The following EEIG1 variants were observed in gnomAD, a reference collection of about 807,000 sequenced individuals.
EEIG1 encodes the protein early estrogen-induced gene 1 protein.
At chr9:127,957,205 G>C in the EEIG1 span, among the ~76,000 whole-genome samples, 1 of 150,512 alleles carries the variant, frequency 6.6e-6, no homozygotes, top group African/African-American at 2.5e-5. Flanking sequence ...CTCCAGCCTG[G>C]GCAACAGAGT....
chr9:127,976,191 G>A, the EEIG1 span, among the ~76,000 whole-genome samples: 2 of 152,208 alleles, frequency 1.3e-5, no homozygotes, highest in African/African-American at 2.4e-5. The surrounding 1 kb of genome is among the most constrained non-coding windows in gnomAD (Gnocchi z 4.1). Context: ...CTGCCATCAA[G>A]GCAAGACAGG....
At chr9:127,944,317 C>T in the EEIG1 span, 4 of 525,024 alleles carry the variant, frequency 7.6e-6, no homozygotes, top group Admixed American at 7.1e-5. Context: ...TAAATAAATG[C>T]GTGTGAGGCC....
At chr9:127,951,110 G>A in the EEIG1 span, among the ~76,000 whole-genome samples, 1 of 152,204 alleles carries the variant, frequency 6.6e-6, no homozygotes, top group Non-Finnish European at 1.5e-5. Context: ...GGGATGGGGA[G>A]GGAAGTGGGA....
the EEIG1 span, among the ~76,000 whole-genome samples, chr9:127,946,439 C>G: frequency 6.6e-6 from 1 of 150,922 alleles, no homozygotes; most frequent in African/African-American, 2.4e-5. Flanking sequence ...CCCAACACAC[C>G]CCAGGCTGGC....
chr9:127,977,520 C>T, the EEIG1 span, among the ~76,000 whole-genome samples: 1 of 152,356 alleles, frequency 6.6e-6, no homozygotes, highest in East Asian at 1.9e-4. Flanking sequence ...CCAGCTCACA[C>T]ACAGGCCCCC....
At chr9:127,956,780 T>C in the EEIG1 span, among the ~76,000 whole-genome samples, 1 of 151,884 alleles carries the variant, frequency 6.6e-6, no homozygotes, top group African/African-American at 2.4e-5. Context: ...AGTGGCACGA[T>C]CTCGGCTCAC....
the EEIG1 span, among the ~76,000 whole-genome samples, chr9:127,979,252 T>C: frequency 6.6e-6 from 1 of 152,300 alleles, no homozygotes; most frequent in Non-Finnish European, 1.5e-5. Context: ...CACTCCCATC[T>C]GTAGAAGTCC....
chr9:127,970,939 G>A, the EEIG1 span, among the ~76,000 whole-genome samples: 3 of 152,218 alleles, frequency 2.0e-5, no homozygotes, highest in Non-Finnish European at 4.4e-5. Context: ...TCCCCTCACT[G>A]GAGGGCCCTG....
At chr9:127,966,443 G>GA in the EEIG1 span, among the ~76,000 whole-genome samples, 2,983 of 110,976 alleles carry the variant, frequency 0.027, 102 homozygotes, top group East Asian at 0.21. Context: ...CCCCATCTCC[G>GA]AAAAAAAAAA....
chr9:127,951,399 A>G, the EEIG1 span, among the ~76,000 whole-genome samples: 1 of 152,216 alleles, frequency 6.6e-6, no homozygotes, highest in Non-Finnish European at 1.5e-5. Context: ...ATGAGTGTCA[A>G]GTAACTGCTG....
chr9:127,977,208 C>T, the EEIG1 span, among the ~76,000 whole-genome samples: 7 of 152,228 alleles, frequency 4.6e-5, no homozygotes, highest in Admixed American at 4.6e-4. Flanking sequence ...TCAGTTCCTC[C>T]CTCCTCAGCC....
At chr9:127,947,298 T>A in the EEIG1 span, among the ~76,000 whole-genome samples, 1 of 146,236 alleles carries the variant, frequency 6.8e-6, no homozygotes, top group African/African-American at 2.5e-5. Context: ...TATCTGGGCA[T>A]GGTGGCGCTC....
chr9:127,941,497 C>T, the EEIG1 span: 2 of 152,594 alleles, frequency 1.3e-5, no homozygotes, highest in Non-Finnish European at 2.9e-5. Context: ...GCAGAGCCTT[C>T]TCCAGCGCGA....
the EEIG1 span, among the ~76,000 whole-genome samples, chr9:127,960,529 A>G: frequency 6.6e-6 from 1 of 152,242 alleles, no homozygotes; most frequent in East Asian, 1.9e-4. Context: ...GAGGAGGCCC[A>G]AGCTTGAAAG....
the EEIG1 span, among the ~76,000 whole-genome samples, chr9:127,974,374 C>T: frequency 6.6e-6 from 1 of 152,204 alleles, no homozygotes; most frequent in Non-Finnish European, 1.5e-5. Context: ...TTACTCCATC[C>T]CCTCCTCCAC....
the EEIG1 span, chr9:127,950,828 T>C: frequency 1.8e-6 from 1 of 556,146 alleles, no homozygotes. Flanking sequence ...TGAAAGGACA[T>C]TGTTGTCCGT....
At chr9:127,944,942 T>TA in the EEIG1 span, 1 of 1,594,262 alleles carries the variant, frequency 6.3e-7, no homozygotes, top group South Asian at 1.1e-5. Flanking sequence ...GTCAGGGCAG[T>TA]AACAGGTACA....
At chr9:127,966,952 C>T in the EEIG1 span, among the ~76,000 whole-genome samples, 1 of 152,194 alleles carries the variant, frequency 6.6e-6, no homozygotes, top group African/African-American at 2.4e-5. Flanking sequence ...GGGAAATCTG[C>T]CAAGGCAGTA....
At chr9:127,948,623 T>G in the EEIG1 span, among the ~76,000 whole-genome samples, 1 of 152,212 alleles carries the variant, frequency 6.6e-6, no homozygotes, top group Non-Finnish European at 1.5e-5. Context: ...AACCAAGGCC[T>G]GCCTGGCAGA....
Sources: gnomAD v4.1 joint callset for allele counts (sites outside exome capture counted in the v4.1 genomes callset) on GRCh38, gnomAD v4.1.1 for gene constraint, Gnocchi (gnomAD v3.1) non-coding constraint, MANE v1.5 for transcripts, NCBI Gene and HGNC (gene_info 2026-07-23, HGNC 2026-07-21) for gene names.